Variants in LRRN1 observed in about 807,000 individuals in gnomAD.
The protein encoded by LRRN1 is leucine-rich repeat neuronal protein 1.
LRRN1 carries 14 observed loss-of-function variants against 45.8 expected under a neutral mutation model. The observed-to-expected ratio is 0.31, with a 90% confidence interval of 0.20 to 0.48. The LOEUF (loss-of-function observed/expected upper bound fraction) is 0.48, where lower values mean the gene tolerates loss of function less well. LRRN1 is among the 20% of genes least tolerant of loss of function. LRRN1 has a pLI of 0.99. For synonymous variants in LRRN1, 359 were observed against 330.1 expected, an observed-to-expected ratio of 1.09 and a Z score of -0.95; for missense variants, 789 against 874.2, an observed-to-expected ratio of 0.90 and a Z score of 1.23.
intron 1 of LRRN1, among the ~76,000 whole-genome samples, chr3:3,842,998 C>T (rs929904053): frequency 6.6e-6 from 1 of 152,192 alleles, no homozygotes; most frequent in Non-Finnish European, 1.5e-5. Context: ...CCTTCTTTTA[C>T]TTGTCATCTG....
chr3:3,849,320 T>TG lies in LRRN1; in HGVS notation c.*2534dup, dbSNP rs1693847078. On this transcript the variant is annotated 3_prime_UTR_variant, in exon 2 of 2. Coordinates refer to ENST00000319331, the MANE Select transcript of LRRN1 (RefSeq NM_020873.7). ...AACAATATCTTCTGCCAGCCCAGTT[T>TG]GGGGGGAAAAACCCCTTTTACATTT... is the stretch of plus-strand genomic sequence containing the variant. 6.6e-6 allele frequency among the ~76,000 whole-genome samples: 1 copy of TG among 152,204 alleles called. No individual in the cohort carries two copies.
At chr3:3,843,387 A>C (rs1419290802) in intron 1 of LRRN1, among the ~76,000 whole-genome samples, 2 of 152,236 alleles carry the variant, frequency 1.3e-5, no homozygotes, top group Non-Finnish European at 1.5e-5. Flanking sequence ...TCAAGATCTG[A>C]TGTGGCTATT....
intron 1 of LRRN1, among the ~76,000 whole-genome samples, chr3:3,800,359 C>T (rs1692620359): frequency 6.6e-6 from 1 of 151,680 alleles, no homozygotes; most frequent in Non-Finnish European, 1.5e-5. Context: ...GCCCAGGGAG[C>T]TGGAAAGAGG....
Position 3,845,827 on chromosome 3 carries a change from T to TC in LRRN1, c.1188dup (p.Met397HisfsTer10). 6.2e-7 allele frequency: 1 copy of TC among 1,614,120 alleles called. No homozygotes were observed. The highest frequency in any genetic ancestry group is 1.1e-5 in the South Asian group (1 of 91,082). On this transcript the variant is annotated frameshift_variant, in exon 2 of 2. Transcript: ENST00000319331. LOFTEE classifies it high-confidence loss of function. The surrounding 1 kb of genome is among the most constrained non-coding windows in gnomAD (Gnocchi z 6.5). ...CAACATCCGCTTCATGGAGCCCCTG[T>TC]CCATGTTCTGTGCCATGCCGCCCGA...
In LRRN1 at chr3:3,849,242, G is replaced by A. The variant is rs576884419; in HGVS notation, c.*2450G>A. Among the ~76,000 whole-genome samples the A allele has an allele frequency of 1.6e-4, 25 of 152,194 alleles. No individual in the cohort carries two copies. Among genetic ancestry groups the A allele is most frequent in the Non-Finnish European group, 2.8e-4 (19 of 68,006 alleles). On this transcript the variant is annotated 3_prime_UTR_variant, in exon 2 of 2. Transcript: ENST00000319331. ...ATAAATGAAGGGAAAAACCTCAGCC[G>A]TTTCTCCATTCTGAAGATATAGCAA... is the stretch of plus-strand genomic sequence containing the variant.
intron 1 of LRRN1, among the ~76,000 whole-genome samples, chr3:3,824,935 G>C: frequency 6.6e-6 from 1 of 152,058 alleles, no homozygotes; most frequent in East Asian, 1.9e-4. Flanking sequence ...CTGTAAGGCC[G>C]TCTCTACCTT....
chr3:3,837,108 C>G (rs1327646661), intron 1 of LRRN1, among the ~76,000 whole-genome samples: 1 of 152,186 alleles, frequency 6.6e-6, no homozygotes, highest in Non-Finnish European at 1.5e-5. Flanking sequence ...ATTCCACTCC[C>G]CTCAGCTCTG....
At chr3:3,819,590 C>G (rs1173191989) in intron 1 of LRRN1, among the ~76,000 whole-genome samples, 1 of 152,160 alleles carries the variant, frequency 6.6e-6, no homozygotes, top group Non-Finnish European at 1.5e-5. Flanking sequence ...CTGTGTGTCC[C>G]TGTCTTCACA....
In LRRN1 at chr3:3,845,851, G is replaced by C. The variant is rs755048770; in HGVS notation, c.1210G>C (p.Glu404Gln). The change falls in exon 2 of 2, where the codon GAA becomes CAA. Residue 404 changes from glutamate to glutamine, a missense_variant. Physicochemically the swap from Glu to Gln is conservative, Grantham distance 29 (BLOSUM62 2). Coordinates refer to ENST00000319331, the MANE Select transcript of LRRN1 (RefSeq NM_020873.7). The surrounding 1 kb of genome is among the most constrained non-coding windows in gnomAD (Gnocchi z 6.5). ...GTCCATGTTCTGTGCCATGCCGCCC[G>C]AATATAAAGGGCACCAGGTGAAGGA... ...PLSMFCAMPP[E>Q]YKGHQVKEVL... The C allele has an allele frequency of 1.9e-6, 3 of 1,613,970 alleles. No homozygotes were observed. The highest frequency in any genetic ancestry group is 4.5e-5 in the East Asian group (2 of 44,872).
Position 3,846,253 on chromosome 3 carries a change from T to A in LRRN1, c.1612T>A (p.Ser538Thr), listed in dbSNP as rs765600459. 1 of 1,614,050 alleles carries A rather than the reference T, an allele frequency of 6.2e-7. No individual in the cohort carries two copies. Among genetic ancestry groups the A allele is most frequent in the Non-Finnish European group, 8.5e-7 (1 of 1,180,014 alleles). Residue 538 changes from serine (S) to threonine (T), a missense_variant, in exon 2 of 2, where the codon TCC becomes ACC. Ser to Thr is a moderately conservative substitution (Grantham distance 58, BLOSUM62 1). Coordinates refer to ENST00000319331, the MANE Select transcript of LRRN1 (RefSeq NM_020873.7). The surrounding 1 kb of genome is among the most constrained non-coding windows in gnomAD (Gnocchi z 5.7). ...ATACGTCAAGCAGACAGAATCCCAT[T>A]CCATCTTAGTGTCCTGGAAAGTTAA... The part of the protein sequence containing the change: ...KIYVKQTESH[S>T]ILVSWKVNSN...
At chr3:3,809,759 C>T (rs551807283) in intron 1 of LRRN1, among the ~76,000 whole-genome samples, 48 of 152,190 alleles carry the variant, frequency 3.2e-4, no homozygotes, top group African/African-American at 1.1e-3. Context: ...TAATAGAGCC[C>T]GCCTCTTAGA....
chr3:3,807,256 G>C (rs1273240567), intron 1 of LRRN1, among the ~76,000 whole-genome samples: 1 of 152,200 alleles, frequency 6.6e-6, no homozygotes, highest in African/African-American at 2.4e-5. Flanking sequence ...ATAGGAGAGT[G>C]CAGCTAGAGT....
At chr3:3,818,371 A>G (rs1296815587) in intron 1 of LRRN1, among the ~76,000 whole-genome samples, 1 of 152,226 alleles carries the variant, frequency 6.6e-6, no homozygotes, top group Non-Finnish European at 1.5e-5. Flanking sequence ...GCTGGTGCTG[A>G]AAAGGAGCAA....
intron 1 of LRRN1, among the ~76,000 whole-genome samples, chr3:3,806,498 T>C (rs768964152): frequency 6.6e-6 from 1 of 152,208 alleles, no homozygotes; most frequent in Non-Finnish European, 1.5e-5. Context: ...GTAGACTCCT[T>C]AAGTTTGTCA....
chr3:3,807,831 G>A (rs1692796748), intron 1 of LRRN1, among the ~76,000 whole-genome samples: 1 of 152,150 alleles, frequency 6.6e-6, no homozygotes, highest in Non-Finnish European at 1.5e-5. Flanking sequence ...CCAGCTGACT[G>A]TGGTTCTGTG....
chr3:3,811,614 A>G (rs933414528), intron 1 of LRRN1, among the ~76,000 whole-genome samples: 1 of 152,224 alleles, frequency 6.6e-6, no homozygotes, highest in African/African-American at 2.4e-5. Context: ...AGATATTACT[A>G]TGTTACTGCT....
rs559701090 is a variant in LRRN1 at position 3,839,675 on chromosome 3, T to G, written c.-278-4689T>G. On this transcript the variant is annotated intron_variant, in intron 1 of 1. Coordinates refer to ENST00000319331, the MANE Select transcript of LRRN1 (RefSeq NM_020873.7). ...TTTATTTTGGTTATCTCTTAACAATTTTCATTGTACAAGTCTTTTGCCTCC... is the reference window on the plus strand; with the variant it reads ...TTTATTTTGGTTATCTCTTAACAATGTTCATTGTACAAGTCTTTTGCCTCC... Among the ~76,000 whole-genome samples the G allele has an allele frequency of 2.6e-5, 4 of 152,290 alleles. No individual in the cohort carries two copies. The South Asian group carries it at 6.2e-4, about 24-fold the overall frequency.
At chr3:3,813,737 T>C (rs896676840) in intron 1 of LRRN1, among the ~76,000 whole-genome samples, 1 of 152,072 alleles carries the variant, frequency 6.6e-6, no homozygotes, top group Admixed American at 6.5e-5. Flanking sequence ...AAGAGGTGGT[T>C]TCCAGGATGC....
At chr3:3,843,049 C>G (rs777373898) in intron 1 of LRRN1, among the ~76,000 whole-genome samples, 2 of 152,180 alleles carry the variant, frequency 1.3e-5, no homozygotes, top group Non-Finnish European at 2.9e-5. Flanking sequence ...ATTAGAGATA[C>G]AAGATGATGA....
Sources: gnomAD v4.1 joint callset for allele counts (sites outside exome capture counted in the v4.1 genomes callset) on GRCh38, gnomAD v4.1.1 for gene constraint, Gnocchi (gnomAD v3.1) non-coding constraint, MANE v1.5 for transcripts, NCBI Gene and HGNC (gene_info 2026-07-23, HGNC 2026-07-21) for gene names.